MGAT5: variants seen among roughly 807,000 people sequenced by gnomAD.
The protein encoded by MGAT5 is alpha-1,6-mannosylglycoprotein 6-beta-N-acetylglucosaminyltransferase.
A neutral mutation model predicts 94.3 loss-of-function variants in MGAT5; 30 were observed. The observed-to-expected ratio is 0.32, with a 90% CI of 0.24 to 0.43. MGAT5 has a LOEUF of 0.43. Among genes scored for constraint, MGAT5 ranks in the 20% least tolerant of loss-of-function variants. MGAT5 has a pLI of 1.00. For synonymous variants in MGAT5, 310 were observed against 322.9 expected (o/e 0.96, Z 0.43); for missense variants, 691 against 905.5 (o/e 0.76, Z 3.04).
At chr2:134,124,586 CTTCACTGCCAGGCTGGCA>C (rs1409227616) in intron 1 of MGAT5, among the ~76,000 whole-genome samples, 1 of 152,210 alleles carries the variant, frequency 6.6e-6, no homozygotes, top group Non-Finnish European at 1.5e-5. Context: ...TCTTTGTCAC[CTTCACTGCCAGGCTGGCA>C]TTAATGCCTG....
intron 4 of MGAT5, among the ~76,000 whole-genome samples, chr2:134,335,605 GTTT>G (rs975300406): frequency 6.8e-6 from 1 of 146,122 alleles, no homozygotes; most frequent in Non-Finnish European, 1.5e-5. Context: ...GATCATCAAG[GTTT>G]TTTTTTTTTC....
At chr2:134,275,023 G>A (rs985601556) in intron 2 of MGAT5, among the ~76,000 whole-genome samples, 7 of 152,192 alleles carry the variant, frequency 4.6e-5, no homozygotes, top group Admixed American at 4.6e-4. Flanking sequence ...TCTTTGTGCT[G>A]CTAATGGACC....
chr2:134,141,104 T>C (rs992589155), intron 1 of MGAT5, among the ~76,000 whole-genome samples: 2 of 152,214 alleles, frequency 1.3e-5, no homozygotes, highest in African/African-American at 2.4e-5. Flanking sequence ...GAGAGAGTTA[T>C]CTAGGGTTCC....
intron 10 of MGAT5, among the ~76,000 whole-genome samples, chr2:134,394,038 G>A (rs1290086304): frequency 6.6e-6 from 1 of 152,188 alleles, no homozygotes; most frequent in East Asian, 1.9e-4. Flanking sequence ...CCATCCCATA[G>A]AAGTGGGCCC....
chr2:134,205,042 G>A (rs1163788526), intron 1 of MGAT5, among the ~76,000 whole-genome samples: 1 of 152,104 alleles, frequency 6.6e-6, no homozygotes, highest in African/African-American at 2.4e-5. Flanking sequence ...CAAGTGCAAC[G>A]GCCATGGGTC....
chr2:134,166,854 T>G (rs1021134998), intron 1 of MGAT5, among the ~76,000 whole-genome samples: 3 of 152,222 alleles, frequency 2.0e-5, no homozygotes, highest in Non-Finnish European at 4.4e-5. Context: ...AATCAACTGT[T>G]TTTTTTCTTT....
chr2:134,335,176 A>G (rs1688259949), intron 4 of MGAT5, among the ~76,000 whole-genome samples: 1 of 146,108 alleles, frequency 6.8e-6, no homozygotes, highest in African/African-American at 2.5e-5. Flanking sequence ...GAGAGGGCAC[A>G]CTGTCTTGTG....
At chr2:134,228,923 A>G (rs1324168378) in intron 1 of MGAT5, among the ~76,000 whole-genome samples, 1 of 151,994 alleles carries the variant, frequency 6.6e-6, no homozygotes, top group Non-Finnish European at 1.5e-5. Flanking sequence ...TGGATGTTTC[A>G]TCTTCTTCAT....
At chr2:134,172,768 G>A (rs1219977816) in intron 1 of MGAT5, among the ~76,000 whole-genome samples, 1 of 152,176 alleles carries the variant, frequency 6.6e-6, no homozygotes, top group African/African-American at 2.4e-5. Flanking sequence ...AAGTTAGCTT[G>A]GTAAATCAGA....
intron 1 of MGAT5, among the ~76,000 whole-genome samples, chr2:134,150,372 T>A (rs1687117914): frequency 6.6e-6 from 1 of 152,208 alleles, no homozygotes; most frequent in Non-Finnish European, 1.5e-5. Context: ...ATGTAAATTG[T>A]CCCCTGGTTT....
Position 134,200,146 on chromosome 2 carries a change from C to G in MGAT5, c.-142-54116C>G, listed in dbSNP as rs1444213299. On this transcript the variant is annotated intron_variant, in intron 1 of 16. Transcript: ENST00000409645. ...TGTCCCTGCCTCCCTACCCCGCCCC[C>G]CAATCCCCCCATTCCCCCCCTGCCC... Among the ~76,000 whole-genome samples the G allele has an allele frequency of 2.8e-5, 4 of 144,668 alleles. No individual in the cohort carries two copies. The East Asian group carries it at 6.2e-4, about 22-fold the overall frequency. The allele number at this position is 144,668 out of a possible 152,430, so 94.9% of individuals were successfully genotyped here. A position where few individuals can be genotyped will look rare whatever the true frequency, so the allele number is the denominator to read the frequency against.
intron 1 of MGAT5, among the ~76,000 whole-genome samples, chr2:134,216,020 A>G (rs1680478135): frequency 6.6e-6 from 1 of 152,058 alleles, no homozygotes. Flanking sequence ...TTAGACGGTG[A>G]CCTTAGAAAG....
At chr2:134,401,941 G>C (rs1190925596) in intron 10 of MGAT5, among the ~76,000 whole-genome samples, 1 of 152,180 alleles carries the variant, frequency 6.6e-6, no homozygotes, top group African/African-American at 2.4e-5. Flanking sequence ...GCTTCATTTA[G>C]AGCCTGCCTC....
intron 1 of MGAT5, among the ~76,000 whole-genome samples, chr2:134,167,457 G>C (rs921417752): frequency 2.6e-5 from 4 of 152,152 alleles, no homozygotes; most frequent in Non-Finnish European, 5.9e-5. Context: ...AACAGCGCTG[G>C]CCCCATCCCA....
intron 1 of MGAT5, among the ~76,000 whole-genome samples, chr2:134,240,293 C>G (rs551345084): frequency 4.0e-5 from 6 of 151,632 alleles, no homozygotes; most frequent in Non-Finnish European, 8.8e-5. Context: ...TGATTCCCAT[C>G]TGGTGGCTCT....
chr2:134,404,305 G>T (rs112116510), intron 11 of MGAT5, among the ~76,000 whole-genome samples: 1,704 of 152,240 alleles, frequency 0.011, 41 homozygotes, highest in African/African-American at 0.038. Flanking sequence ...TGGACTTCTA[G>T]GGCATAATCT....
intron 10 of MGAT5, among the ~76,000 whole-genome samples, chr2:134,365,946 T>C (rs1367825225): frequency 1.3e-5 from 2 of 152,132 alleles, no homozygotes; most frequent in African/African-American, 2.4e-5. Context: ...CGTGATGTTA[T>C]AGTACATGGT....
chr2:134,251,313 C>T (rs1303536303), upstream of MGAT5, among the ~76,000 whole-genome samples: 1 of 152,138 alleles, frequency 6.6e-6, no homozygotes, highest in Non-Finnish European at 1.5e-5. Context: ...TGTTCAGTCA[C>T]CAGGGCCTGA....
intron 9 of MGAT5, among the ~76,000 whole-genome samples, chr2:134,352,451 T>C (rs942310913): frequency 6.6e-6 from 1 of 152,172 alleles, no homozygotes; most frequent in African/African-American, 2.4e-5. Flanking sequence ...TGCAGGACAA[T>C]GTAGAGCTAC....
Sources: allele counts gnomAD v4.1 joint callset (sites outside exome capture counted in the v4.1 genomes callset), GRCh38; gene constraint gnomAD v4.1.1; transcripts MANE v1.5; gene names NCBI Gene and HGNC (gene_info 2026-07-23, HGNC 2026-07-21).